The following COIL variants were observed in gnomAD, a reference collection of about 807,000 sequenced individuals.
The protein encoded by COIL is coilin.
Under a neutral mutation model 51.6 loss-of-function variants are expected in COIL, and 28 were observed. The observed-to-expected ratio is 0.54, with a 90% CI of 0.40 to 0.74. The LOEUF (loss-of-function observed/expected upper bound fraction) is 0.74. COIL is among the 30% of genes least tolerant of loss of function. The pLI, the probability that COIL is intolerant of heterozygous loss-of-function variation, is 0.00. For synonymous variants in COIL, 233 were observed against 255.8 expected, an observed-to-expected ratio of 0.91 and a Z score of 0.85; for missense variants, 667 against 685.9, an observed-to-expected ratio of 0.97 and a Z score of 0.31.
Position 56,944,910 on chromosome 17 carries a change from G to A in COIL, c.1558+1532C>T, listed in dbSNP as rs184213144. On this transcript the variant is annotated intron_variant, in intron 5 of 6. Coordinates refer to ENST00000240316, the MANE Select transcript of COIL (RefSeq NM_004645.3). ...CCAGCGCCTGTAGTTCCAGCTACTC[G>A]GGAGGCTGAGGCAGGAGGATGGTGC... Among the ~76,000 whole-genome samples the A allele has an allele frequency of 4.3e-3, 659 of 152,146 alleles. 19 individuals are homozygous for A. Among genetic ancestry groups the A allele is most frequent in the East Asian group, 0.023 (121 of 5,170 alleles).
In COIL at chr17:56,950,028, T is replaced by C; in HGVS notation, c.1214A>G (p.Lys405Arg). The C allele has an allele frequency of 6.2e-7, 1 of 1,614,002 alleles. No individual in the cohort carries two copies. Among genetic ancestry groups the C allele is most frequent in the Non-Finnish European group, 8.5e-7 (1 of 1,179,972 alleles). Reference protein sequence around the residue: ...WGREENLFSWKGAKGRGMRGR... With the variant: ...WGREENLFSWRGAKGRGMRGR... The stretch of plus-strand genomic sequence containing the variant: ...CCGCATGCCCCGTCCCTTAGCTCCC[T>C]TCCAAGAAAAAAGGTTCTCTTCTCT... Residue 405 changes from lysine to arginine, a missense_variant, in exon 2 of 7, where the codon AAG becomes AGG. Coordinates refer to ENST00000240316, the MANE Select transcript of COIL (RefSeq NM_004645.3).
At chr17:56,951,773 TTTTC>T (rs1281222563) in intron 1 of COIL, 1 of 151,648 alleles carries the variant, frequency 6.6e-6, no homozygotes, top group Admixed American at 6.6e-5. Flanking sequence ...TAACTGTCCG[TTTTC>T]TTTTTTTTAT....
Position 56,949,670 on chromosome 17 carries a change from T to C in COIL, c.1440+11A>G. On this transcript the variant is annotated intron_variant, in intron 3 of 6. Coordinates refer to ENST00000240316, the MANE Select transcript of COIL (RefSeq NM_004645.3). ...AACCTTTTTTGCTGTGACTGTTCTT[T>C]TGAAATATACCTTAAATGCAATCTT... 1.2e-6 allele frequency: 2 copies of C among 1,610,152 alleles called. No homozygotes were observed. Among genetic ancestry groups the C allele is most frequent in the Non-Finnish European group, 1.7e-6 (2 of 1,176,366 alleles).
chr17:56,957,422 C>A (rs577719138), intron 1 of COIL, among the ~76,000 whole-genome samples: 1 of 152,202 alleles, frequency 6.6e-6, no homozygotes, highest in African/African-American at 2.4e-5. Context: ...AAGTTCGAGA[C>A]CAGCCTGGCC....
rs150286000 is a variant in COIL at position 56,950,700 on chromosome 17, T to C, written c.542A>G (p.Lys181Arg). 8.1e-6 allele frequency: 13 copies of C among 1,610,886 alleles called. No homozygotes were observed. The highest frequency in any genetic ancestry group is 1.3e-5 in the African/African-American group (1 of 74,496). ...CTCCTTTTTCTTTGGTGATTTTCTT[T>C]TGGCCTCTTCGTTATCATCACCCAC... ...GTVGDDNEEA[K>R]RKSPKKKEKC... The change falls in exon 2 of 7, where the codon AAA (lysine) becomes AGA (arginine). Residue 181 changes from lysine (K) to arginine (R), a missense_variant. Physicochemically the swap from Lys to Arg is conservative, Grantham distance 26. Transcript: ENST00000240316.
chr17:56,957,300 A>T (rs1910502220), intron 1 of COIL, among the ~76,000 whole-genome samples: 1 of 151,294 alleles, frequency 6.6e-6, no homozygotes, highest in South Asian at 2.1e-4. Flanking sequence ...CTGCACGATT[A>T]AAAAAAATTT....
chr17:56,950,490 T>C lies in COIL; in HGVS notation c.752A>G (p.Glu251Gly). 6.2e-7 allele frequency: 1 copy of C among 1,614,198 alleles called. No homozygotes were observed. The highest frequency in any genetic ancestry group is 8.5e-7 in the Non-Finnish European group (1 of 1,180,026). The stretch of plus-strand genomic sequence containing the variant: ...ATCACTGATAGATTCATCACAAGAT[T>C]CAGACTCCGAGGAGGAACTGGGACT... ...KESPSSSSES[E>G]SCDESISDGP... Residue 251 changes from glutamate to glycine, a missense_variant, in exon 2 of 7, where the codon GAA (glutamate) becomes GGA (glycine). Transcript: ENST00000240316.
chr17:56,952,609 C>A (rs1461218987), intron 1 of COIL, among the ~76,000 whole-genome samples: 4 of 152,150 alleles, frequency 2.6e-5, no homozygotes, highest in Non-Finnish European at 5.9e-5. Context: ...GAATTCATTT[C>A]TCTGCCTGAC....
rs371277025 is a variant in COIL at position 56,953,268 on chromosome 17, A to G, written c.246-2272T>C. Among the ~76,000 whole-genome samples the G allele has an allele frequency of 4.0e-3, 603 of 151,828 alleles. 3 individuals are homozygous for G. Among genetic ancestry groups the G allele is most frequent in the African/African-American group, 4.4e-3 (183 of 41,436 alleles). On this transcript the variant is annotated intron_variant, in intron 1 of 6. Coordinates refer to ENST00000240316, the MANE Select transcript of COIL (RefSeq NM_004645.3). ...CTACTAAAAATACAAAAAATTAGCC[A>G]GGCGTGGTGGCGGGCGCCTGTAGTC...
intron 1 of COIL, among the ~76,000 whole-genome samples, chr17:56,953,020 A>G (rs1265209131): frequency 6.6e-6 from 1 of 152,132 alleles, no homozygotes. Flanking sequence ...GCTCATGCCT[A>G]TAATCCCAAA....
intron 3 of COIL, 80 bp downstream of exon 3, chr17:56,949,601 C>T (rs1162633460): frequency 5.5e-6 from 8 of 1,449,956 alleles, no homozygotes; most frequent in Non-Finnish European, 6.8e-6. Context: ...TTTACAAACA[C>T]ATTTAACCTG....
intron 1 of COIL, 63 bp from the exon 2 acceptor site, chr17:56,951,059 G>A: frequency 7.1e-7 from 1 of 1,407,226 alleles, no homozygotes; most frequent in Non-Finnish European, 9.5e-7. Flanking sequence ...CCAGGACATA[G>A]TTATATACTG....
rs537759582 is a variant in COIL, at chr17:56,953,267, C to T, written c.246-2271G>A. ...TCTACTAAAAATACAAAAAATTAGC[C>T]AGGCGTGGTGGCGGGCGCCTGTAGT... is the stretch of plus-strand genomic sequence containing the variant. On this transcript the variant is annotated intron_variant, in intron 1 of 6. Transcript: ENST00000240316. Among the ~76,000 whole-genome samples, 238 of 151,854 alleles carry T rather than the reference C, an allele frequency of 1.6e-3. 2 individuals carry two copies. The highest frequency in any genetic ancestry group is 1.8e-3 in the Non-Finnish European group (125 of 67,902).
Position 56,945,273 on chromosome 17 carries a change from G to A in COIL, c.1558+1169C>T, listed in dbSNP as rs186620698. Among the ~76,000 whole-genome samples, 152 of 152,162 alleles carry A rather than the reference G, an allele frequency of 1.0e-3. 1 individual carries two copies. Among genetic ancestry groups the A allele is most frequent in the Non-Finnish European group, 1.9e-3 (131 of 68,008 alleles). ...GAATCACTTGAACCTGGGAGGCGGA[G>A]GCTGCAGTGAGCCAAGATTGTGCCA... On this transcript the variant is annotated intron_variant, in intron 5 of 6. Transcript: ENST00000240316.
chr17:56,949,553 G>A (rs1224862236), intron 3 of COIL, 119 bp from the exon 4 acceptor site: 1 of 1,354,550 alleles, frequency 7.4e-7, no homozygotes, highest in Admixed American at 1.8e-5. Flanking sequence ...GCCCTACCAG[G>A]AACCCGTAAC....
At chr17:56,939,822 TTTGA>T (rs1910112229) in intron 6 of COIL, 1 of 152,114 alleles carries the variant, frequency 6.6e-6, no homozygotes, top group Non-Finnish European at 1.5e-5. Context: ...TTCATCTTTC[TTTGA>T]TTAAGAGCAG....
At chr17:56,960,733 G>T in intron 1 of COIL, 42 bp downstream of exon 1, 2 of 1,187,002 alleles carry the variant, frequency 1.7e-6, no homozygotes, top group Non-Finnish European at 1.1e-6. Flanking sequence ...CGCGTCCCCC[G>T]CCCGCCGCCC....
intron 4 of COIL, among the ~76,000 whole-genome samples, chr17:56,949,141 A>T (rs59295558): frequency 0.12 from 18,080 of 151,882 alleles, 1,279 homozygotes; most frequent in East Asian, 0.2. Flanking sequence ...TATTTTTTTT[A>T]AAAAAGTAAA....
In COIL at chr17:56,950,662, T is replaced by A. The variant is rs1910349356; in HGVS notation, c.580A>T (p.Lys194Ter). The change falls in exon 2 of 7, where the codon AAA becomes TAA. Residue 194 changes from lysine (K) to a stop codon, truncating the protein, a stop_gained. Transcript: ENST00000240316. LOFTEE classifies it high-confidence loss of function. ...GACTTGGGATTCTTAGCCTTTTTTTTATATTCACATTTCTCCTTTTTCTTT... is the reference window on the plus strand; with the variant it reads ...GACTTGGGATTCTTAGCCTTTTTTTAATATTCACATTTCTCCTTTTTCTTT... ...SPKKKEKCEY[K>*]KKAKNPKSPK... The A allele has an allele frequency of 6.2e-7, 1 of 1,610,668 alleles. No individual in the cohort carries two copies.
Sources: gnomAD v4.1 joint callset for allele counts (sites outside exome capture counted in the v4.1 genomes callset) on GRCh38, gnomAD v4.1.1 for gene constraint, MANE v1.5 for transcripts, NCBI Gene and HGNC (gene_info 2026-07-23, HGNC 2026-07-21) for gene names.